The following RASGRP2 variants were observed in gnomAD, a reference collection of about 807,000 sequenced individuals.
RASGRP2 encodes RAS guanyl-releasing protein 2.
RASGRP2 carries 44 observed loss-of-function variants against 71.0 expected under a neutral mutation model. The ratio of observed to expected loss-of-function variants is 0.62; its 90% CI spans 0.49 to 0.80. The LOEUF (loss-of-function observed/expected upper bound fraction) is 0.80. Ranked by LOEUF, RASGRP2 falls within the 30% of genes least tolerant of loss-of-function variation. The pLI is 0.00. For missense variants in RASGRP2, 663 were observed against 813.4 expected (o/e 0.82, Z 2.25); for synonymous variants, 350 against 330.7 (o/e 1.06, Z -0.63).
Position 64,744,018 on chromosome 11 carries a change from C to A in RASGRP2, c.-87G>T, listed in dbSNP as rs528055506. 3 of 987,350 alleles carry A rather than the reference C, an allele frequency of 3.0e-6. No individual in the cohort carries two copies. Among genetic ancestry groups the A allele is most frequent in the Non-Finnish European group, 3.6e-6 (3 of 830,554 alleles). The allele number at this position is 987,350 out of a possible 1,614,324, so 61.2% of individuals were successfully genotyped here. A position where few individuals can be genotyped will look rare whatever the true frequency, so the allele number is the denominator to read the frequency against. ...GCACACATACCCAGCTCGTCCACCC[C>A]AGAATGCAAACCCGCGGACGAGGTC... is the stretch of plus-strand genomic sequence containing the variant. On this transcript the variant is annotated 5_prime_UTR_variant, in exon 1 of 17. Transcript: ENST00000394432.
intron 5 of RASGRP2, chr11:64,740,695 A>G (rs763596690): frequency 1.5e-6 from 1 of 656,620 alleles, no homozygotes; most frequent in Non-Finnish European, 2.8e-6. Context: ...AGGACTCGAG[A>G]GCTCAGCCGA....
intron 5 of RASGRP2, 159 bp from the exon 6 acceptor site, chr11:64,740,322 C>T (rs2058081431): frequency 1.2e-6 from 1 of 852,078 alleles, no homozygotes; most frequent in Admixed American, 2.0e-5. Context: ...CTCCTCATCT[C>T]CCCCGACCCC....
At chr11:64,729,720 A>C (rs776843512) in intron 14 of RASGRP2, 42 bp downstream of exon 14, 2 of 1,610,362 alleles carry the variant, frequency 1.2e-6, no homozygotes, top group African/African-American at 2.7e-5. Context: ...AAACAAAAAA[A>C]AAAAACACTG....
Position 64,743,235 on chromosome 11 carries a change from C to A in RASGRP2, c.-71-298G>T. ...CTGGCGCCCAGCCCCCCGCAGGGCG[C>A]CTTCTCCTCGCGCCCTCTCCCCAGA... On this transcript the variant is annotated intron_variant, in intron 1 of 16. Coordinates refer to ENST00000394432, the MANE Select transcript of RASGRP2 (RefSeq NM_001098671.2). This position sits in a 1 kb window ranked among gnomAD's most constrained non-coding sequence, Gnocchi z 4.9. 2.0e-6 allele frequency: 1 copy of A among 504,660 alleles called. No homozygotes were observed. Among genetic ancestry groups the A allele is most frequent in the Non-Finnish European group, 3.9e-6 (1 of 259,096 alleles). The allele number at this position is 504,660 out of a possible 1,614,324, so 31.3% of individuals were successfully genotyped here. A position where few individuals can be genotyped will look rare whatever the true frequency, so the allele number is the denominator to read the frequency against.
In RASGRP2 at chr11:64,735,452, C is replaced by T. The variant is rs2135755295; in HGVS notation, c.1296+90G>A. The stretch of plus-strand genomic sequence containing the variant: ...GACTCCTAGGGGCTGAGTGCTGGGT[C>T]TTGAACAGGACACTCGTGCTGGCTT... On this transcript the variant is annotated intron_variant, in intron 11 of 16. Coordinates refer to ENST00000394432, the MANE Select transcript of RASGRP2 (RefSeq NM_001098671.2). This position sits in a 1 kb window ranked among gnomAD's most constrained non-coding sequence, Gnocchi z 4.2. 6.2e-7 allele frequency: 1 copy of T among 1,602,898 alleles called. No homozygotes were observed. Among genetic ancestry groups the T allele is most frequent in the East Asian group, 2.2e-5 (1 of 44,850 alleles).
In RASGRP2 at chr11:64,740,897, T is replaced by C. The variant is rs571519986; in HGVS notation, c.371+51A>G. The C allele has an allele frequency of 1.7e-5, 27 of 1,604,856 alleles. No homozygotes were observed. The Middle Eastern group carries it at 5.0e-4, about 30-fold the overall frequency. On this transcript the variant is annotated intron_variant, in intron 5 of 16. Transcript: ENST00000394432. The stretch of plus-strand genomic sequence containing the variant: ...TCAACAGACATTTATTAAGCACAGA[T>C]GGTATAGGATACTGAGTGCCCCCCC...
At chr11:64,740,730 C>G (rs2058094420) in intron 5 of RASGRP2, 3 of 690,048 alleles carry the variant, frequency 4.3e-6, no homozygotes, top group Middle Eastern at 2.9e-4. Flanking sequence ...AGCGCAGCTA[C>G]AGGAGGAGGT....
intron 12 of RASGRP2, 146 bp from the exon 13 acceptor site, chr11:64,730,340 CT>C: frequency 9.7e-7 from 1 of 1,031,286 alleles, no homozygotes; most frequent in East Asian, 2.6e-5. Context: ...CGGCACTGGA[CT>C]AGGGGTCAGG....
At position 64,739,455 on chromosome 11, in the gene RASGRP2, A is replaced by C. The variant is rs1342449891; in HGVS notation, c.718T>G (p.Phe240Val). 1.9e-6 allele frequency: 3 copies of C among 1,614,166 alleles called. No individual in the cohort carries two copies. The highest frequency in any genetic ancestry group is 2.5e-6 in the Non-Finnish European group (3 of 1,180,038). ...CCGACCACTGCCATCAGCGTGTTGAAGTTCTGCAGCTGTAGCAGCTTCTGG... is the reference window on the plus strand; with the variant it reads ...CCGACCACTGCCATCAGCGTGTTGACGTTCTGCAGCTGTAGCAGCTTCTGG... Reference protein sequence around the residue: ...VAEKLLQLQNFNTLMAVVGGL... With the variant: ...VAEKLLQLQNVNTLMAVVGGL... Residue 240 changes from phenylalanine to valine, a missense_variant, in exon 8 of 17, where the codon TTC becomes GTC. Physicochemically the swap from Phe to Val is conservative, Grantham distance 50. Coordinates refer to ENST00000394432, the MANE Select transcript of RASGRP2 (RefSeq NM_001098671.2). The surrounding 1 kb of genome is among the most constrained non-coding windows in gnomAD (Gnocchi z 4.2).
intron 4 of RASGRP2, among the ~76,000 whole-genome samples, 155 bp from the exon 5 acceptor site, chr11:64,741,234 T>G (rs527897278): frequency 6.6e-6 from 1 of 152,356 alleles, no homozygotes; most frequent in South Asian, 2.1e-4. Flanking sequence ...CATTAGACCC[T>G]TGAGACAACC....
chr11:64,741,554 G>A (rs2058123392), intron 3 of RASGRP2, 53 bp from the exon 4 acceptor site: 2 of 1,458,512 alleles, frequency 1.4e-6, no homozygotes. Context: ...AGGCCTGCGT[G>A]GAGGGAGGCT....
chr11:64,729,849 T>C (rs1047171222), intron 13 of RASGRP2, 51 bp from the exon 14 acceptor site: 40 of 1,606,782 alleles, frequency 2.5e-5, no homozygotes, highest in Non-Finnish European at 3.3e-5. Flanking sequence ...AGGTGATGAC[T>C]CTACTTCTTC....
Position 64,728,923 on chromosome 11 carries a change from G to A in RASGRP2, c.1711C>T (p.His571Tyr). ...AGAGAGAAGCTGAAGGCGCGGTGAT[G>A]GTGGCTGTGCATGGGTGAGGGTGAG... ...APSPSPMHSH[H>Y]HRAFSFSLPR... The change falls in exon 15 of 17, where the codon CAT becomes TAT. Residue 571 changes from histidine to tyrosine, a missense_variant. Coordinates refer to ENST00000394432, the MANE Select transcript of RASGRP2 (RefSeq NM_001098671.2). 1 of 1,613,232 alleles carries A rather than the reference G, an allele frequency of 6.2e-7. No individual in the cohort carries two copies. The highest frequency in any genetic ancestry group is 8.5e-7 in the Non-Finnish European group (1 of 1,180,000).
At position 64,729,766 on chromosome 11, in the gene RASGRP2, G is replaced by T. The variant is rs1455854532; in HGVS notation, c.1587C>A (p.Cys529Ter). The change falls in exon 14 of 17, where the codon TGC becomes TGA. Residue 529 changes from cysteine (C) to a stop codon, truncating the protein, a stop_gained. Transcript: ENST00000394432. LOFTEE classifies it high-confidence loss of function. ...CTTCCAGTCATTCCATCTCACCTCG[G>T]CATTTGAGGCCCTGCTTGTAGATGC... ...ILGIYKQGLKCRACGVNCHKQ... is the reference protein window; with the variant it reads ...ILGIYKQGLK The T allele has an allele frequency of 6.2e-7, 1 of 1,614,172 alleles. No individual in the cohort carries two copies. The highest frequency in any genetic ancestry group is 8.5e-7 in the Non-Finnish European group (1 of 1,179,998).
Position 64,736,981 on chromosome 11 carries a change from G to T in RASGRP2, c.867C>A (p.Tyr289Ter). 1 of 1,613,896 alleles carries T rather than the reference G, an allele frequency of 6.2e-7. No homozygotes were observed. The highest frequency in any genetic ancestry group is 8.5e-7 in the Non-Finnish European group (1 of 1,180,022). The change falls in exon 9 of 17, where the codon TAC becomes TAA. Residue 289 changes from tyrosine to a stop codon, truncating the protein, a stop_gained. Coordinates refer to ENST00000394432, the MANE Select transcript of RASGRP2 (RefSeq NM_001098671.2). LOFTEE classifies it high-confidence loss of function. ...LVTATGNYGN[Y>*]RRRLAACVGF... ...CCACACAGGCTGCCAGCCGACGCCG[G>T]TAGTTGCCATAGTTGCCTGTCGCCG...
Position 64,736,058 on chromosome 11 carries a change from G to C in RASGRP2, c.1096-78C>G. On this transcript the variant is annotated intron_variant, in intron 9 of 16. Transcript: ENST00000394432. ...GCCCAGGGCCAAAGGTCGACCTAGA[G>C]GCCACAGCTCAGCTCAGAGCTCGGG... 2.6e-6 allele frequency: 3 copies of C among 1,162,284 alleles called. No homozygotes were observed. The South Asian group carries it at 3.8e-5, about 15-fold the overall frequency. 72.0% of individuals were successfully genotyped at this position (1,162,284 alleles called of 1,614,324 possible). A position where few individuals can be genotyped will look rare whatever the true frequency, so the allele number is the denominator to read the frequency against.
At position 64,743,382 on chromosome 11, in the gene RASGRP2, C is replaced by A. The variant is rs1352187859; in HGVS notation, c.-71-445G>T. The A allele has an allele frequency of 2.6e-6, 1 of 389,000 alleles. No individual in the cohort carries two copies. The highest frequency in any genetic ancestry group is 7.4e-5 in the East Asian group (1 of 13,424). 24.1% of individuals were successfully genotyped at this position (389,000 alleles called of 1,614,324 possible). On this transcript the variant is annotated intron_variant, in intron 1 of 16. Transcript: ENST00000394432. The surrounding 1 kb of genome is among the most constrained non-coding windows in gnomAD (Gnocchi z 4.9). ...GCCTGAGGGGACCTCGGAGGAATTTCTCCCTGGTATGGGAGGTGGGGGGAG... is the reference window on the plus strand; with the variant it reads ...GCCTGAGGGGACCTCGGAGGAATTTATCCCTGGTATGGGAGGTGGGGGGAG...
intron 12 of RASGRP2, 44 bp from the exon 13 acceptor site, chr11:64,730,238 A>T (rs72927043): frequency 2.0e-4 from 304 of 1,551,070 alleles, no homozygotes; most frequent in Admixed American, 7.5e-4. Flanking sequence ...CCCTCCCCAG[A>T]ACCATCCACC....
At chr11:64,727,857 T>A (rs2135719104) in intron 15 of RASGRP2, among the ~76,000 whole-genome samples, 1 of 152,324 alleles carries the variant, frequency 6.6e-6, no homozygotes, top group South Asian at 2.1e-4. Context: ...GTTTTTGTTT[T>A]GCCACAGCTT....
Sources: allele counts gnomAD v4.1 joint callset (sites outside exome capture counted in the v4.1 genomes callset), GRCh38; gene constraint gnomAD v4.1.1; non-coding constraint Gnocchi (gnomAD v3.1); transcripts MANE v1.5; gene names NCBI Gene and HGNC (gene_info 2026-07-23, HGNC 2026-07-21).